Variants in SRRM4 observed in about 807,000 individuals in gnomAD.
The protein encoded by SRRM4 is serine/arginine repetitive matrix protein 4.
SRRM4 carries 33 observed loss-of-function variants against 68.9 expected under a neutral mutation model. The observed-to-expected ratio is 0.48, with a 90% CI of 0.36 to 0.64. The LOEUF (loss-of-function observed/expected upper bound fraction) is 0.64, where lower values mean the gene tolerates loss of function less well. Ranked by LOEUF, SRRM4 falls within the 30% of genes least tolerant of loss-of-function variation. SRRM4 has a pLI of 0.00. For missense variants in SRRM4, 817 were observed against 827.1 expected (o/e 0.99, Z 0.15); for synonymous variants, 318 against 318.8 (o/e 1.00, Z 0.03).
At chr12:119,012,058 A>G (rs1254387141) in intron 1 of SRRM4, among the ~76,000 whole-genome samples, 9 of 152,196 alleles carry the variant, frequency 5.9e-5, no homozygotes, top group Admixed American at 5.2e-4. Flanking sequence ...CTTGGTGACA[A>G]TGTTTGTAAA....
chr12:119,144,130 C>T (rs181836835), intron 8 of SRRM4, among the ~76,000 whole-genome samples: 112 of 152,266 alleles, frequency 7.4e-4, no homozygotes, highest in African/African-American at 2.4e-3. Flanking sequence ...ACAGGGTTCT[C>T]GGGGCCCCTC....
intron 10 of SRRM4, among the ~76,000 whole-genome samples, chr12:119,152,487 C>T (rs888975140): frequency 3.3e-5 from 5 of 152,104 alleles, no homozygotes; most frequent in Non-Finnish European, 7.4e-5. Context: ...AAATTACTCC[C>T]TCATTTACTA....
chr12:119,154,745 G>A lies in SRRM4; in HGVS notation c.1532+362G>A, dbSNP rs537770134. ...GTCAGGCCAGGGAATGGAGGCCAAA[G>A]CAATGGAGCAGGACCTTGGCCTGGT... On this transcript the variant is annotated intron_variant, in intron 12 of 12. Coordinates refer to ENST00000267260, the MANE Select transcript of SRRM4 (RefSeq NM_194286.4). The surrounding 1 kb of genome is among the most constrained non-coding windows in gnomAD (Gnocchi z 4.7). 6.6e-6 allele frequency among the ~76,000 whole-genome samples: 1 copy of A among 152,226 alleles called. No homozygotes were observed. The highest frequency in any genetic ancestry group is 1.5e-5 in the Non-Finnish European group (1 of 68,040).
chr12:119,149,420 A>G (rs553897163), intron 9 of SRRM4, among the ~76,000 whole-genome samples: 32 of 152,356 alleles, frequency 2.1e-4, no homozygotes, highest in African/African-American at 7.7e-4. Flanking sequence ...TTCTCAGAAC[A>G]TTGAAAAGGT....
rs1045403886 is a variant in SRRM4, at chr12:119,161,305, T to A, written c.*4507T>A. 1.3e-5 allele frequency: 2 copies of A among 152,222 alleles called. No individual in the cohort carries two copies. The highest frequency in any genetic ancestry group is 4.8e-5 in the African/African-American group (2 of 41,448). The allele number at this position is 152,222 out of a possible 1,614,324, so 9.4% of individuals were successfully genotyped here. A position where few individuals can be genotyped will look rare whatever the true frequency, so the allele number is the denominator to read the frequency against. On this transcript the variant is annotated 3_prime_UTR_variant, in exon 13 of 13. Transcript: ENST00000267260. Reference sequence around the variant, plus strand: ...ACAGGATTCCTCCAAACATGCCTCCTCCCGCACTGGCCAGCCGAGTCCAGC... The same window carrying A: ...ACAGGATTCCTCCAAACATGCCTCCACCCGCACTGGCCAGCCGAGTCCAGC...
intron 7 of SRRM4, among the ~76,000 whole-genome samples, chr12:119,130,231 G>C: frequency 6.6e-6 from 1 of 151,526 alleles, no homozygotes. Context: ...TGGATGGATA[G>C]ATGAATGAAT....
At chr12:119,000,173 T>A (rs1170507366) in intron 1 of SRRM4, among the ~76,000 whole-genome samples, 6 of 152,154 alleles carry the variant, frequency 3.9e-5, no homozygotes. Context: ...GGGAAATAAC[T>A]TTTTCCCAAG....
intron 2 of SRRM4, among the ~76,000 whole-genome samples, chr12:119,113,926 G>C (rs78139278): frequency 0.028 from 4,204 of 152,258 alleles, 130 homozygotes; most frequent in East Asian, 0.095. Flanking sequence ...ATTGGGGAGG[G>C]AGGGGGCTGA....
At chr12:119,032,383 G>A (rs948603066) in intron 1 of SRRM4, among the ~76,000 whole-genome samples, 5 of 152,172 alleles carry the variant, frequency 3.3e-5, no homozygotes, top group African/African-American at 1.2e-4. Flanking sequence ...GGTGTTCTGT[G>A]TAATATATGT....
intron 1 of SRRM4, among the ~76,000 whole-genome samples, chr12:119,053,615 T>G (rs1430758927): frequency 6.6e-6 from 1 of 152,200 alleles, no homozygotes; most frequent in East Asian, 1.9e-4. Context: ...AAGCACATAG[T>G]AGGGACTCAA....
chr12:119,152,393 T>C (rs76100241), intron 10 of SRRM4, among the ~76,000 whole-genome samples: 3,934 of 152,250 alleles, frequency 0.026, 191 homozygotes, highest in African/African-American at 0.089. Flanking sequence ...GTCCCAAAAG[T>C]ACGTCCTACC....
At chr12:119,092,243 T>G (rs1484028820) in intron 1 of SRRM4, among the ~76,000 whole-genome samples, 2 of 152,152 alleles carry the variant, frequency 1.3e-5, no homozygotes, top group African/African-American at 4.8e-5. Flanking sequence ...CGTTCCATCT[T>G]ACTCCCAGAA....
At chr12:119,105,406 C>A (rs1161927494) in intron 2 of SRRM4, among the ~76,000 whole-genome samples, 2 of 152,208 alleles carry the variant, frequency 1.3e-5, no homozygotes, top group Non-Finnish European at 2.9e-5. Context: ...CTGTCTTCCA[C>A]AATGGATGAA....
At chr12:119,125,590 C>T (rs1281455806) in intron 7 of SRRM4, 111 bp downstream of exon 7, 2 of 900,868 alleles carry the variant, frequency 2.2e-6, no homozygotes, top group South Asian at 1.7e-5. Flanking sequence ...TGGCCCCCTT[C>T]CTCAGACTCA....
chr12:119,008,569 A>G (rs1253873057), intron 1 of SRRM4, among the ~76,000 whole-genome samples: 1 of 151,202 alleles, frequency 6.6e-6, no homozygotes, highest in Non-Finnish European at 1.5e-5. Flanking sequence ...AGGTAGTAGT[A>G]GCCCCAGTCC....
At chr12:118,999,965 C>A (rs1388109563) in intron 1 of SRRM4, among the ~76,000 whole-genome samples, 2 of 152,194 alleles carry the variant, frequency 1.3e-5, no homozygotes, top group Non-Finnish European at 2.9e-5. Context: ...CCCTTTGACA[C>A]ATCAAAAATA....
intron 2 of SRRM4, among the ~76,000 whole-genome samples, chr12:119,102,836 T>C (rs1365699643): frequency 1.3e-5 from 2 of 152,194 alleles, no homozygotes; most frequent in Non-Finnish European, 2.9e-5. Context: ...TACTCAGTTG[T>C]TTAACCAGTA....
intron 1 of SRRM4, among the ~76,000 whole-genome samples, chr12:119,015,549 C>T (rs1565889657): frequency 6.6e-6 from 1 of 152,128 alleles, no homozygotes; most frequent in Non-Finnish European, 1.5e-5. Context: ...CTTCTACATG[C>T]TCTTGCCTTT....
chr12:118,999,274 T>C (rs1953368829), intron 1 of SRRM4, among the ~76,000 whole-genome samples: 2 of 152,058 alleles, frequency 1.3e-5, no homozygotes, highest in South Asian at 2.1e-4. Context: ...CTGCCAGCAG[T>C]GTGCTGGGAG....
Sources: allele counts gnomAD v4.1 joint callset (sites outside exome capture counted in the v4.1 genomes callset), GRCh38; gene constraint gnomAD v4.1.1; non-coding constraint Gnocchi (gnomAD v3.1); transcripts MANE v1.5; gene names NCBI Gene and HGNC (gene_info 2026-07-23, HGNC 2026-07-21).